Variants in GRIK1 observed in about 807,000 individuals in gnomAD.
GRIK1 encodes glutamate receptor ionotropic, kainate 1.
GRIK1 carries 69 observed loss-of-function variants against 105.7 expected under a neutral mutation model. That is an observed-to-expected ratio of 0.65 (90% confidence interval 0.54 to 0.80). GRIK1 has a LOEUF of 0.80. Among genes scored for constraint, GRIK1 ranks in the 30% least tolerant of loss-of-function variants. The pLI is 0.00. For synonymous variants in GRIK1, 438 were observed against 431.3 expected, an observed-to-expected ratio of 1.02 and a Z score of -0.19; for missense variants, 1,109 against 1,167.3, an observed-to-expected ratio of 0.95 and a Z score of 0.73.
chr21:29,897,032 T>A (rs562898709), intron 1 of GRIK1, among the ~76,000 whole-genome samples: 1 of 152,290 alleles, frequency 6.6e-6, no homozygotes, highest in East Asian at 1.9e-4. Flanking sequence ...TTCCTTACAA[T>A]GAATGAGAAG....
chr21:29,716,322 A>G (rs1429557825), intron 1 of GRIK1, among the ~76,000 whole-genome samples: 3 of 152,178 alleles, frequency 2.0e-5, no homozygotes, highest in Non-Finnish European at 2.9e-5. Flanking sequence ...AAAAATGTGG[A>G]AGCAACTTTG....
intron 1 of GRIK1, among the ~76,000 whole-genome samples, chr21:29,773,143 C>G (rs145020482): frequency 6.6e-6 from 1 of 152,098 alleles, no homozygotes; most frequent in Non-Finnish European, 1.5e-5. Flanking sequence ...ATGATAATAT[C>G]TTTTTGTATT....
intron 1 of GRIK1, among the ~76,000 whole-genome samples, chr21:29,925,431 T>C (rs544567355): frequency 3.3e-5 from 5 of 152,336 alleles, no homozygotes; most frequent in South Asian, 2.1e-4. Context: ...TTATAATATA[T>C]GTATTTTTAT....
chr21:29,614,273 T>C (rs1055601981), intron 7 of GRIK1, among the ~76,000 whole-genome samples: 5 of 152,146 alleles, frequency 3.3e-5, no homozygotes, highest in Non-Finnish European at 7.4e-5. Flanking sequence ...TACGCTGATC[T>C]CTGTGCATTT....
intron 7 of GRIK1, among the ~76,000 whole-genome samples, chr21:29,620,787 ATATATC>A (rs1568897342): frequency 1.3e-3 from 145 of 113,774 alleles, no homozygotes; most frequent in African/African-American, 6.3e-3. Context: ...ATATAGATAT[ATATATC>A]TATATATATA....
At position 29,588,827 on chromosome 21, in the gene GRIK1, A is replaced by G; in HGVS notation, c.1569+12T>C. The G allele has an allele frequency of 1.5e-6, 2 of 1,377,618 alleles. No homozygotes were observed. Among genetic ancestry groups the G allele is most frequent in the Non-Finnish European group, 2.1e-6 (2 of 967,546 alleles). The allele number at this position is 1,377,618 out of a possible 1,614,324, so 85.3% of individuals were successfully genotyped here. A position where few individuals can be genotyped will look rare whatever the true frequency, so the allele number is the denominator to read the frequency against. On this transcript the variant is annotated intron_variant, in intron 11 of 17. Coordinates refer to ENST00000327783, the MANE Select transcript of GRIK1 (RefSeq NM_001330994.2). ...GCATATTTTCAGATATGTTAGAAATATTGTTACTTACGTGATCTATGAGTT... is the reference window on the plus strand; with the variant it reads ...GCATATTTTCAGATATGTTAGAAATGTTGTTACTTACGTGATCTATGAGTT...
At chr21:29,606,704 C>A (rs1568878014) in intron 7 of GRIK1, among the ~76,000 whole-genome samples, 1 of 151,408 alleles carries the variant, frequency 6.6e-6, no homozygotes, top group Non-Finnish European at 1.5e-5. Context: ...ACAAAAAAAA[C>A]AAAAAAACCC....
At chr21:29,750,410 G>C (rs901864358) in intron 1 of GRIK1, among the ~76,000 whole-genome samples, 1 of 152,090 alleles carries the variant, frequency 6.6e-6, no homozygotes, top group Non-Finnish European at 1.5e-5. Context: ...CCAGAGCTCT[G>C]GGTCAACAGT....
chr21:29,576,755 C>A (rs2090904494), intron 14 of GRIK1, among the ~76,000 whole-genome samples: 1 of 151,786 alleles, frequency 6.6e-6, no homozygotes, highest in Admixed American at 6.6e-5. Context: ...TAAATGACAC[C>A]TAGTTGGGGA....
intron 1 of GRIK1, among the ~76,000 whole-genome samples, chr21:29,891,820 A>G (rs935738080): frequency 4.6e-5 from 7 of 152,210 alleles, no homozygotes; most frequent in Non-Finnish European, 1.0e-4. Context: ...ATTAAAAACT[A>G]TGATTAATAT....
At chr21:29,682,933 C>CAA (rs147274210) in intron 3 of GRIK1, among the ~76,000 whole-genome samples, 19 of 150,860 alleles carry the variant, frequency 1.3e-4, no homozygotes, top group African/African-American at 2.9e-4. Flanking sequence ...CATCAACAAA[C>CAA]AAAAAAAAAC....
In GRIK1 at chr21:29,560,279, TTTTCTTTCTTTCTTTC is replaced by T. The variant is rs56295343; in HGVS notation, c.2356+1329_2356+1344del. 9.1e-3 allele frequency among the ~76,000 whole-genome samples: 636 copies of T among 69,902 alleles called. 12 individuals carry two copies. Among genetic ancestry groups the T allele is most frequent in the Middle Eastern group, 0.023 (3 of 130 alleles). The allele number at this position is 69,902 out of a possible 152,430, so 45.9% of individuals were successfully genotyped here. Reference sequence around the variant, plus strand: ...TATACCAGGACCTTATATGATACAGTTTTCTTTCTTTCTTTCTTTCTTTCTTTCTTTCTTTCTTTCT... The same window carrying T: ...TATACCAGGACCTTATATGATACAGTTTTCTTTCTTTCTTTCTTTCTTTCT... On this transcript the variant is annotated intron_variant, in intron 15 of 17. Coordinates refer to ENST00000327783, the MANE Select transcript of GRIK1 (RefSeq NM_001330994.2).
chr21:29,660,209 C>T (rs1601395972), intron 4 of GRIK1, among the ~76,000 whole-genome samples: 1 of 152,258 alleles, frequency 6.6e-6, no homozygotes, highest in Middle Eastern at 3.4e-3. Context: ...CCTAGTTGTT[C>T]TTGGCAATGA....
At chr21:29,597,671 G>A (rs2061440901) in intron 8 of GRIK1, 1 of 467,276 alleles carries the variant, frequency 2.1e-6, no homozygotes, top group African/African-American at 2.0e-5. Flanking sequence ...GAGGAAGCCA[G>A]AAGATGGGAG....
intron 15 of GRIK1, among the ~76,000 whole-genome samples, chr21:29,556,558 C>T (rs939289292): frequency 6.6e-6 from 1 of 152,140 alleles, no homozygotes; most frequent in Non-Finnish European, 1.5e-5. Flanking sequence ...CCAGCAGTGC[C>T]ATTTCTTCTT....
At chr21:29,890,846 G>T (rs912736561) in intron 1 of GRIK1, among the ~76,000 whole-genome samples, 4 of 152,134 alleles carry the variant, frequency 2.6e-5, no homozygotes, top group Non-Finnish European at 4.4e-5. Context: ...GCATGGAAAA[G>T]TTGGAGATAA....
At chr21:29,587,734 A>AC in intron 11 of GRIK1, 145 bp from the exon 12 acceptor site, 1 of 604,320 alleles carries the variant, frequency 1.7e-6, no homozygotes, top group Non-Finnish European at 2.9e-6. Context: ...TAATAAAAAA[A>AC]AGCCAATTTA....
At chr21:29,810,886 G>A (rs1343803452) in intron 1 of GRIK1, among the ~76,000 whole-genome samples, 2 of 152,044 alleles carry the variant, frequency 1.3e-5, no homozygotes, top group East Asian at 1.9e-4. Flanking sequence ...AACAACAAAG[G>A]TGATGTGGCA....
chr21:29,791,050 T>C (rs2066399783), intron 1 of GRIK1, among the ~76,000 whole-genome samples: 1 of 152,098 alleles, frequency 6.6e-6, no homozygotes, highest in African/African-American at 2.4e-5. Flanking sequence ...GAACAGTTAG[T>C]GCAAAAGTCC....
Sources: gnomAD v4.1 joint callset for allele counts (sites outside exome capture counted in the v4.1 genomes callset) on GRCh38, gnomAD v4.1.1 for gene constraint, MANE v1.5 for transcripts, NCBI Gene and HGNC (gene_info 2026-07-23, HGNC 2026-07-21) for gene names.